Variants in PPP6R3 observed in about 807,000 individuals in gnomAD.
PPP6R3 encodes protein phosphatase 6 regulatory subunit 3, also known as serine/threonine-protein phosphatase 6 regulatory subunit 3.
PPP6R3 carries 38 observed loss-of-function variants against 110.7 expected under a neutral mutation model. The ratio of observed to expected loss-of-function variants is 0.34; its 90% CI spans 0.26 to 0.45. PPP6R3 has a LOEUF of 0.45. Among genes scored for constraint, PPP6R3 ranks in the 20% least tolerant of loss-of-function variants. The probability of loss-of-function intolerance (pLI) is 1.00; values close to 1 mark genes in which losing one functional copy is unlikely to be tolerated. For missense variants in PPP6R3, 870 were observed against 1,062.4 expected (o/e 0.82, Z 2.52); for synonymous variants, 369 against 373.5 (o/e 0.99, Z 0.14).
intron 1 of PPP6R3, among the ~76,000 whole-genome samples, chr11:68,461,278 A>G (rs1416683749): frequency 6.6e-6 from 1 of 152,004 alleles, no homozygotes; most frequent in Non-Finnish European, 1.5e-5. Context: ...AAGTTGAGGC[A>G]GCAACTCGCC....
intron 1 of PPP6R3, among the ~76,000 whole-genome samples, chr11:68,491,669 G>C (rs925059178): frequency 6.6e-6 from 1 of 151,986 alleles, no homozygotes; most frequent in African/African-American, 2.4e-5. Context: ...TGTTTGGAGT[G>C]TACCGTTCAG....
At chr11:68,510,062 T>TTC (rs2099101151) in intron 1 of PPP6R3, among the ~76,000 whole-genome samples, 1 of 139,332 alleles carries the variant, frequency 7.2e-6, no homozygotes, top group Non-Finnish European at 1.5e-5. Context: ...GCCTTTTTTT[T>TTC]TTTTTTTTTT....
chr11:68,587,648 C>T, intron 15 of PPP6R3: 1 of 477,316 alleles, frequency 2.1e-6, no homozygotes, highest in Non-Finnish European at 3.8e-6. Context: ...TTAATCCAAA[C>T]CTCTCTCTAA....
At chr11:68,555,070 G>A (rs1219630385) in intron 7 of PPP6R3, among the ~76,000 whole-genome samples, 5 of 152,138 alleles carry the variant, frequency 3.3e-5, no homozygotes, top group Non-Finnish European at 5.9e-5. Context: ...ATACATTACA[G>A]ACAAGTTAAT....
At chr11:68,549,669 C>G (rs1254152154) in intron 5 of PPP6R3, among the ~76,000 whole-genome samples, 1 of 152,200 alleles carries the variant, frequency 6.6e-6, no homozygotes, top group South Asian at 2.1e-4. Flanking sequence ...TTGGAATTAT[C>G]ATAGGGAGAG....
intron 10 of PPP6R3, among the ~76,000 whole-genome samples, chr11:68,569,053 C>A (rs1027592983): frequency 6.6e-6 from 1 of 152,172 alleles, no homozygotes; most frequent in Non-Finnish European, 1.5e-5. Flanking sequence ...AGCCACCACG[C>A]CTGGCCTCTT....
intron 1 of PPP6R3, among the ~76,000 whole-genome samples, chr11:68,493,324 C>G (rs995258218): frequency 2.0e-5 from 3 of 152,106 alleles, no homozygotes; most frequent in Non-Finnish European, 2.9e-5. Flanking sequence ...TGGTAGTTAA[C>G]ATGTCTAGCC....
chr11:68,527,796 C>T (rs981954296), intron 2 of PPP6R3, among the ~76,000 whole-genome samples: 1 of 152,228 alleles, frequency 6.6e-6, no homozygotes, highest in East Asian at 1.9e-4. Context: ...CTAATCCTAC[C>T]ACCTACCCAA....
intron 1 of PPP6R3, among the ~76,000 whole-genome samples, chr11:68,515,972 G>C (rs1430454979): frequency 6.6e-6 from 1 of 152,152 alleles, no homozygotes; most frequent in Non-Finnish European, 1.5e-5. Flanking sequence ...ATAACATTGT[G>C]CAATCAGCAC....
chr11:68,547,587 C>A (rs1189229164), intron 4 of PPP6R3, among the ~76,000 whole-genome samples: 2 of 152,124 alleles, frequency 1.3e-5, no homozygotes, highest in Non-Finnish European at 2.9e-5. Flanking sequence ...TTTGTGTAGC[C>A]AGGTGAGTTA....
chr11:68,548,957 C>G (rs1047720523), intron 5 of PPP6R3, among the ~76,000 whole-genome samples: 2 of 152,148 alleles, frequency 1.3e-5, no homozygotes, highest in Non-Finnish European at 2.9e-5. Context: ...GTGGCGTGAT[C>G]TCGGCTCACT....
chr11:68,516,867 GT>G (rs142006121), intron 1 of PPP6R3, among the ~76,000 whole-genome samples: 2,085 of 151,004 alleles, frequency 0.014, 57 homozygotes, highest in African/African-American at 0.048. Context: ...CTTATTTCCT[GT>G]TTTTTTTTCT....
At chr11:68,488,680 C>T (rs1427311033) in intron 1 of PPP6R3, 2 of 152,350 alleles carry the variant, frequency 1.3e-5, no homozygotes, top group African/African-American at 4.8e-5. Flanking sequence ...ATGTTCTCAT[C>T]ATGTAGAAGG....
Position 68,463,793 on chromosome 11 carries a change from A to T in PPP6R3, c.-158+2966A>T, listed in dbSNP as rs532660336. Among the ~76,000 whole-genome samples the T allele has an allele frequency of 3.0e-4, 46 of 152,346 alleles. 1 individual carries two copies. The highest frequency in any genetic ancestry group is 2.6e-3 in the Admixed American group (40 of 15,304). On this transcript the variant is annotated intron_variant, in intron 1 of 23. Coordinates refer to ENST00000393800, the MANE Select transcript of PPP6R3 (RefSeq NM_001164161.2). ...TTGTCTTTTGATTTACTCTAGTTCAAGAGTTCTCAGTTGGGGGTGGTTCCC... is the reference window on the plus strand; with the variant it reads ...TTGTCTTTTGATTTACTCTAGTTCATGAGTTCTCAGTTGGGGGTGGTTCCC...
At chr11:68,575,905 C>A in intron 13 of PPP6R3, 53 bp from the exon 14 acceptor site, 2 of 1,344,000 alleles carry the variant, frequency 1.5e-6, no homozygotes, top group South Asian at 1.2e-5. Context: ...CTTTATTTGT[C>A]TCCGTGGAGG....
chr11:68,577,677 A>G (rs901167704), intron 14 of PPP6R3, among the ~76,000 whole-genome samples: 2 of 152,180 alleles, frequency 1.3e-5, no homozygotes, highest in South Asian at 4.1e-4. Context: ...CTGCTCTGGG[A>G]TTGTGTGTAA....
chr11:68,502,547 C>A (rs74828436), intron 1 of PPP6R3, among the ~76,000 whole-genome samples: 2,876 of 152,250 alleles, frequency 0.019, 94 homozygotes, highest in African/African-American at 0.066. Flanking sequence ...CAAAGGGTAT[C>A]TTAAAAGATC....
intron 8 of PPP6R3, among the ~76,000 whole-genome samples, 199 bp from the exon 9 acceptor site, chr11:68,564,104 G>A (rs757029831): frequency 6.6e-6 from 1 of 152,192 alleles, no homozygotes; most frequent in Non-Finnish European, 1.5e-5. Flanking sequence ...TACTGTAGCT[G>A]TTTGGGTTGC....
At chr11:68,579,397 G>C (rs956741451) in intron 14 of PPP6R3, among the ~76,000 whole-genome samples, 1 of 152,196 alleles carries the variant, frequency 6.6e-6, no homozygotes, top group African/African-American at 2.4e-5. Flanking sequence ...TTCGAAAGAA[G>C]ATAATATCTC....
Sources: allele counts gnomAD v4.1 joint callset (sites outside exome capture counted in the v4.1 genomes callset), GRCh38; gene constraint gnomAD v4.1.1; transcripts MANE v1.5; gene names NCBI Gene and HGNC (gene_info 2026-07-23, HGNC 2026-07-21).